The following ASTN1 variants were observed in gnomAD, a reference collection of about 807,000 sequenced individuals.
ASTN1 encodes astrotactin 1, also known as astrotactin-1.
In ASTN1, 41 loss-of-function variants were observed where a neutral mutation model predicts 140.7. The observed-to-expected ratio is 0.29, with a 90% CI of 0.23 to 0.38. The LOEUF is 0.38. Ranked by LOEUF, ASTN1 falls within the 10% of genes least tolerant of loss-of-function variation. ASTN1 has a pLI of 1.00. For synonymous variants in ASTN1, 640 were observed against 652.2 expected, an observed-to-expected ratio of 0.98 and a Z score of 0.29; for missense variants, 1,479 against 1,678.8, an observed-to-expected ratio of 0.88 and a Z score of 2.08.
At chr1:177,041,620 G>A (rs974146589) in intron 2 of ASTN1, among the ~76,000 whole-genome samples, 1 of 152,126 alleles carries the variant, frequency 6.6e-6, no homozygotes, top group Admixed American at 6.5e-5. Flanking sequence ...TTTCTTCTTT[G>A]TTTTTATGCA....
At chr1:177,093,826 G>A (rs1679891127) in intron 1 of ASTN1, among the ~76,000 whole-genome samples, 2 of 152,160 alleles carry the variant, frequency 1.3e-5, no homozygotes, top group African/African-American at 4.8e-5. Context: ...TAAAAATTCA[G>A]TTGTTCTCTT....
chr1:176,981,814 C>T (rs1234941280), intron 8 of ASTN1: 7 of 152,612 alleles, frequency 4.6e-5, no homozygotes, highest in Middle Eastern at 3.4e-3. Context: ...GAGTTTCAGT[C>T]GTTTTAATGA....
intron 16 of ASTN1, among the ~76,000 whole-genome samples, chr1:176,913,000 C>T (rs561335660): frequency 2.0e-4 from 30 of 152,318 alleles, no homozygotes; most frequent in African/African-American, 6.0e-4. Context: ...CATGATCCCA[C>T]GGAAGGTCGT....
intron 1 of ASTN1, among the ~76,000 whole-genome samples, chr1:177,153,815 A>G (rs1683137424): frequency 6.6e-6 from 1 of 152,294 alleles, no homozygotes; most frequent in African/African-American, 2.4e-5. Context: ...TTTACAGTCA[A>G]AGAGATAACC....
chr1:177,046,277 CCTT>C (rs1269070432), intron 2 of ASTN1, among the ~76,000 whole-genome samples: 1 of 152,122 alleles, frequency 6.6e-6, no homozygotes, highest in Non-Finnish European at 1.5e-5. Context: ...GTGAGAATGA[CCTT>C]ATTATAGGTC....
At chr1:177,106,837 A>G (rs1680567342) in intron 1 of ASTN1, among the ~76,000 whole-genome samples, 2 of 152,194 alleles carry the variant, frequency 1.3e-5, no homozygotes, top group Admixed American at 1.3e-4. Flanking sequence ...AATCATAGTA[A>G]TTTGCTGTCC....
chr1:177,020,045 C>T (rs573225166), intron 7 of ASTN1, among the ~76,000 whole-genome samples: 28 of 152,070 alleles, frequency 1.8e-4, no homozygotes, highest in Non-Finnish European at 3.5e-4. Context: ...ACCACCATGC[C>T]TGTTTAATTT....
At chr1:177,115,128 C>A (rs1026759101) in intron 1 of ASTN1, among the ~76,000 whole-genome samples, 1 of 152,088 alleles carries the variant, frequency 6.6e-6, no homozygotes, top group African/African-American at 2.4e-5. Flanking sequence ...AGGAGCACCA[C>A]CACCCATTTC....
chr1:177,142,786 T>A (rs1349722923), intron 1 of ASTN1, among the ~76,000 whole-genome samples: 1 of 151,388 alleles, frequency 6.6e-6, no homozygotes, highest in African/African-American at 2.4e-5. Context: ...CTGATTTCTA[T>A]AAGGACAATG....
chr1:177,030,360 AT>A (rs34442040), intron 4 of ASTN1, among the ~76,000 whole-genome samples: 1,599 of 151,954 alleles, frequency 0.011, 11 homozygotes, highest in Non-Finnish European at 0.017. Flanking sequence ...TTATAACTTC[AT>A]TTTTTTTCCC....
intron 1 of ASTN1, among the ~76,000 whole-genome samples, chr1:177,092,188 C>T (rs1404038165): frequency 6.6e-6 from 1 of 152,104 alleles, no homozygotes; most frequent in African/African-American, 2.4e-5. Context: ...TTTGACTGCA[C>T]TCACCCTAGA....
Position 176,863,278 on chromosome 1 carries a change from T to G in ASTN1, c.*1006A>C, listed in dbSNP as rs1340958951. On this transcript the variant is annotated 3_prime_UTR_variant, in exon 23 of 23. Coordinates refer to ENST00000361833, the MANE Select transcript of ASTN1 (RefSeq NM_004319.3). ...AACAGAAGTTTTTTGTGATCAATAA[T>G]AGCTTTAGTTCACTGTAACACTGAT... 1 of 985,760 alleles carries G rather than the reference T, an allele frequency of 1.0e-6. No homozygotes were observed. Among genetic ancestry groups the G allele is most frequent in the Non-Finnish European group, 1.2e-6 (1 of 829,936 alleles). 61.1% of individuals were successfully genotyped at this position (985,760 alleles called of 1,614,324 possible).
In ASTN1 at chr1:176,861,805, A is replaced by G. The variant is rs890002381; in HGVS notation, c.*2479T>C. On this transcript the variant is annotated 3_prime_UTR_variant, in exon 23 of 23. Transcript: ENST00000361833. ...AGGAGGGTCACAGAAAGAAGAAGTA[A>G]AAGACAAAGATAAAGAAGGTAGAGG... is the stretch of plus-strand genomic sequence containing the variant. 1.5e-4 allele frequency: 144 copies of G among 985,308 alleles called. No homozygotes were observed. The highest frequency in any genetic ancestry group is 1.7e-4 in the Non-Finnish European group (143 of 829,954). 61.0% of individuals were successfully genotyped at this position (985,308 alleles called of 1,614,324 possible).
intron 8 of ASTN1, among the ~76,000 whole-genome samples, chr1:177,002,392 C>T (rs980191696): frequency 1.3e-3 from 202 of 151,382 alleles, no homozygotes; most frequent in African/African-American, 4.7e-3. Context: ...CACACACACA[C>T]ACACACACAC....
intron 1 of ASTN1, among the ~76,000 whole-genome samples, chr1:177,064,649 T>G (rs1488494744): frequency 6.6e-6 from 1 of 152,140 alleles, no homozygotes; most frequent in Middle Eastern, 3.2e-3. Flanking sequence ...CTACAGACAG[T>G]GAGTTCATGA....
intron 5 of ASTN1, among the ~76,000 whole-genome samples, chr1:177,027,193 C>T (rs1352308984): frequency 6.6e-6 from 1 of 152,126 alleles, no homozygotes; most frequent in Non-Finnish European, 1.5e-5. Context: ...TCAGCTCAAA[C>T]AACATCTCCC....
Position 177,164,383 on chromosome 1 carries a change from C to T in ASTN1, c.283+11G>A, listed in dbSNP as rs1345890828. On this transcript the variant is annotated intron_variant, in intron 1 of 22. Coordinates refer to ENST00000361833, the MANE Select transcript of ASTN1 (RefSeq NM_004319.3). ...GCGCCTCCGGCCGCCTCGACCTCCC[C>T]CGGGACTCACCCAGCACGAAGTAGG... The T allele has an allele frequency of 3.8e-6, 6 of 1,573,046 alleles. No individual in the cohort carries two copies. Among genetic ancestry groups the T allele is most frequent in the Non-Finnish European group, 5.2e-6 (6 of 1,157,396 alleles).
intron 11 of ASTN1, among the ~76,000 whole-genome samples, chr1:176,951,941 G>T (rs1044076296): frequency 3.3e-5 from 5 of 152,140 alleles, no homozygotes; most frequent in South Asian, 2.1e-4. Context: ...TTAAAGATGA[G>T]GAAAATTAGA....
chr1:176,980,969 T>C (rs1673585283), intron 8 of ASTN1, among the ~76,000 whole-genome samples: 1 of 151,936 alleles, frequency 6.6e-6, no homozygotes. Context: ...CTCAGCACTT[T>C]GGGAGGCTGT....
Sources: allele counts gnomAD v4.1 joint callset (sites outside exome capture counted in the v4.1 genomes callset), GRCh38; gene constraint gnomAD v4.1.1; transcripts MANE v1.5; gene names NCBI Gene and HGNC (gene_info 2026-07-23, HGNC 2026-07-21).